Variants in NEMF observed in about 807,000 individuals in gnomAD.
The protein encoded by NEMF is ribosome quality control complex subunit NEMF.
A neutral mutation model predicts 162.2 loss-of-function variants in NEMF; 89 were observed. That is an observed-to-expected ratio of 0.55 (90% CI 0.46 to 0.65). The LOEUF is 0.65. Ranked by LOEUF, NEMF falls within the 30% of genes least tolerant of loss-of-function variation. The probability of loss-of-function intolerance (pLI) is 0.00; values close to 1 mark genes in which losing one functional copy is unlikely to be tolerated. For synonymous variants in NEMF, 421 were observed against 404.5 expected, an observed-to-expected ratio of 1.04 and a Z score of -0.49; for missense variants, 1,133 against 1,261.9, an observed-to-expected ratio of 0.90 and a Z score of 1.55.
chr14:49,840,715 T>C lies in NEMF; in HGVS notation c.506+3A>G. The C allele has an allele frequency of 2.5e-6, 4 of 1,610,078 alleles. No homozygotes were observed. Among genetic ancestry groups the C allele is most frequent in the South Asian group, 1.1e-5 (1 of 90,238 alleles). On this transcript the variant is annotated splice_donor_region_variant and intron_variant, in intron 5 of 32. Coordinates refer to ENST00000298310, the MANE Select transcript of NEMF (RefSeq NM_004713.6). ...AAATGGGTTTAAAAACAAAACACTT[T>C]ACCTTTCCAAAGTAAGCAAAGGTTC...
At chr14:49,848,031 CAA>C (rs76205967) in intron 3 of NEMF, among the ~76,000 whole-genome samples, 34 of 79,366 alleles carry the variant, frequency 4.3e-4, no homozygotes, top group Admixed American at 5.8e-4. Flanking sequence ...GACTCTGTCT[CAA>C]AAAAAAAAAA....
intron 4 of NEMF, among the ~76,000 whole-genome samples, chr14:49,842,941 G>C (rs1003912928): frequency 1.3e-5 from 2 of 150,990 alleles, no homozygotes; most frequent in African/African-American, 4.9e-5. Context: ...GGGAGGCGGA[G>C]GTTGCAGTGA....
Position 49,832,037 on chromosome 14 carries a change from A to G in NEMF, c.882+14T>C, listed in dbSNP as rs1892663923. ...TGCTAACTAACTGGTAAAGGAACAG[A>G]ACGGAAAACCCACCTTGTCAAATGA... is the stretch of plus-strand genomic sequence containing the variant. On this transcript the variant is annotated intron_variant, in intron 10 of 32. Coordinates refer to ENST00000298310, the MANE Select transcript of NEMF (RefSeq NM_004713.6). 1 of 1,577,006 alleles carries G rather than the reference A, an allele frequency of 6.3e-7. No individual in the cohort carries two copies. The highest frequency in any genetic ancestry group is 8.6e-7 in the Non-Finnish European group (1 of 1,161,288).
intron 19 of NEMF, among the ~76,000 whole-genome samples, chr14:49,803,534 T>C (rs1226927763): frequency 6.6e-6 from 1 of 152,000 alleles, no homozygotes; most frequent in African/African-American, 2.4e-5. Context: ...CTTTCTTTTT[T>C]TTTTTTTTTG....
chr14:49,828,709 T>G lies in NEMF; in HGVS notation c.1331A>C (p.Lys444Thr), dbSNP rs1367820032. The G allele has an allele frequency of 6.2e-7, 1 of 1,606,412 alleles. No individual in the cohort carries two copies. The highest frequency in any genetic ancestry group is 8.5e-7 in the Non-Finnish European group (1 of 1,177,732). The change falls in exon 14 of 33, where the codon AAA (lysine) becomes ACA (threonine). Residue 444 changes from lysine to threonine, a missense_variant. By Grantham distance (78) the Lys-to-Thr change is moderately conservative. Coordinates refer to ENST00000298310, the MANE Select transcript of NEMF (RefSeq NM_004713.6). ...CTTCTGCAGCTGTTTATTCTTTTGTTTTTTCTTTTTTCCTTTTGGTGGTTC... is the reference window on the plus strand; with the variant it reads ...CTTCTGCAGCTGTTTATTCTTTTGTGTTTTCTTTTTTCCTTTTGGTGGTTC... Reference protein sequence around the residue: ...ETEPPKGKKKKQKNKQLQKPQ... With the variant: ...ETEPPKGKKKTQKNKQLQKPQ...
In NEMF at chr14:49,814,010, G is replaced by T; in HGVS notation, c.1722C>A (p.Ser574Arg). The change falls in exon 18 of 33, where the codon AGC (serine) becomes AGA (arginine). Residue 574 changes from serine (S) to arginine (R), a missense_variant. By Grantham distance (110) the Ser-to-Arg change is moderately radical. Coordinates refer to ENST00000298310, the MANE Select transcript of NEMF (RefSeq NM_004713.6). ...YVHADLHGAT[S>R]CVIKNPTGEP... ...TACCTGTTGGATTCTTAATTACACA[G>T]CTAGTAGCTCCATGAAGATCAGCAT... The T allele has an allele frequency of 6.5e-7, 1 of 1,544,238 alleles. No individual in the cohort carries two copies. The highest frequency in any genetic ancestry group is 9.0e-7 in the Non-Finnish European group (1 of 1,116,452).
At chr14:49,818,219 C>T in intron 16 of NEMF, 1 of 152,230 alleles carries the variant, frequency 6.6e-6, no homozygotes, top group Non-Finnish European at 1.5e-5. Context: ...TCCCGAGTAG[C>T]TGGGACTACA....
In NEMF at chr14:49,837,557, T is replaced by A. The variant is rs147869764; in HGVS notation, c.574+582A>T. Among the ~76,000 whole-genome samples the A allele has an allele frequency of 3.7e-4, 56 of 152,152 alleles. No individual in the cohort carries two copies. The South Asian group carries it at 6.0e-3, about 16-fold the overall frequency. On this transcript the variant is annotated intron_variant, in intron 6 of 32. Transcript: ENST00000298310. ...TGCCAGGGAGACACTGGCTTAAACA[T>A]ACAAATTTTACACATGCTATACTAA...
At chr14:49,790,995 A>G (rs1014525285) in intron 26 of NEMF, among the ~76,000 whole-genome samples, 34 of 152,148 alleles carry the variant, frequency 2.2e-4, no homozygotes, top group African/African-American at 6.3e-4. Flanking sequence ...CTCTGTCTCA[A>G]AAAACAAAAA....
rs767534791 is a variant in NEMF, at chr14:49,828,706, T to C, written c.1334A>G (p.Gln445Arg). 11 of 1,607,344 alleles carry C rather than the reference T, an allele frequency of 6.8e-6. No individual in the cohort carries two copies. The highest frequency in any genetic ancestry group is 2.2e-5 in the East Asian group (1 of 44,644). Residue 445 changes from glutamine (Q) to arginine (R), a missense_variant, in exon 14 of 33, where the codon CAA (glutamine) becomes CGA (arginine). Coordinates refer to ENST00000298310, the MANE Select transcript of NEMF (RefSeq NM_004713.6). ...AGGCTTCTGCAGCTGTTTATTCTTTTGTTTTTTCTTTTTTCCTTTTGGTGG... is the reference window on the plus strand; with the variant it reads ...AGGCTTCTGCAGCTGTTTATTCTTTCGTTTTTTCTTTTTTCCTTTTGGTGG... ...TEPPKGKKKK[Q>R]KNKQLQKPQK...
Position 49,825,988 on chromosome 14 carries a change from GT to G in NEMF, c.1489-34del, listed in dbSNP as rs1174648549. 3 of 1,436,724 alleles carry G rather than the reference GT, an allele frequency of 2.1e-6. No homozygotes were observed. The African/African-American group carries it at 4.3e-5, about 20-fold the overall frequency. 89.0% of individuals were successfully genotyped at this position (1,436,724 alleles called of 1,614,324 possible). On this transcript the variant is annotated intron_variant, in intron 15 of 32. Transcript: ENST00000298310. ...TAGAAAAGAGTTTTAAAAACAATTT[GT>G]TAAGAATGTATTTAAATAACACCAA...
intron 31 of NEMF, 34 bp downstream of exon 31, chr14:49,785,058 T>C (rs759008949): frequency 1.2e-6 from 2 of 1,606,592 alleles, no homozygotes; most frequent in Non-Finnish European, 1.7e-6. Flanking sequence ...CTGAACTGTT[T>C]AAAATCATAA....
At position 49,783,694 on chromosome 14, in the gene NEMF, A is replaced by G. The variant is rs141933984; in HGVS notation, c.*942T>C. On this transcript the variant is annotated 3_prime_UTR_variant, in exon 33 of 33. Coordinates refer to ENST00000298310, the MANE Select transcript of NEMF (RefSeq NM_004713.6). ...ATAGGTTAAGATACTCTAACGTGCTATATTGGTAATTAATTACTAAAGGTG... is the reference window on the plus strand; with the variant it reads ...ATAGGTTAAGATACTCTAACGTGCTGTATTGGTAATTAATTACTAAAGGTG... 31 of 152,280 alleles carry G rather than the reference A, an allele frequency of 2.0e-4. No homozygotes were observed. Among genetic ancestry groups the G allele is most frequent in the African/African-American group, 7.5e-4 (31 of 41,564 alleles). The allele number at this position is 152,280 out of a possible 1,614,324, so 9.4% of individuals were successfully genotyped here.
chr14:49,790,487 A>G (rs1890387886), intron 26 of NEMF, among the ~76,000 whole-genome samples: 1 of 152,172 alleles, frequency 6.6e-6, no homozygotes. Context: ...GCATATACAC[A>G]CTTAAATGAC....
Position 49,833,478 on chromosome 14 carries a change from A to G in NEMF, c.680T>C (p.Val227Ala), listed in dbSNP as rs1892744976. ...ATAGTCTTCTGCTTTCTGCAGAGAA[A>G]CAAGTACTTTTTCAATATCTAATGG... ...LETKDIEKVL[V>A]SLQKAEDYMK... The change falls in exon 8 of 33, where the codon GTT becomes GCT. Residue 227 changes from valine (V) to alanine (A), a missense_variant. Around this residue, in one of 3 missense-constraint regions of NEMF, gnomAD observed 582 missense variants for 631.5 expected, o/e 0.92. Transcript: ENST00000298310. 2 of 1,583,792 alleles carry G rather than the reference A, an allele frequency of 1.3e-6. No homozygotes were observed. Among genetic ancestry groups the G allele is most frequent in the African/African-American group, 2.7e-5 (2 of 74,528 alleles).
chr14:49,846,505 A>T (rs1238983180), intron 3 of NEMF, among the ~76,000 whole-genome samples: 1 of 152,178 alleles, frequency 6.6e-6, no homozygotes, highest in Non-Finnish European at 1.5e-5. Flanking sequence ...TCACTCTGTC[A>T]CCCAAACTGG....
rs1453554261 is a variant in NEMF, at chr14:49,782,394, C to A, written c.*2242G>T. The A allele has an allele frequency of 6.2e-7, 1 of 1,612,270 alleles. No individual in the cohort carries two copies. Among genetic ancestry groups the A allele is most frequent in the Non-Finnish European group, 8.5e-7 (1 of 1,178,686 alleles). On this transcript the variant is annotated 3_prime_UTR_variant, in exon 33 of 33. Transcript: ENST00000298310. ...GGTTATGGCACACAGCTTGTGCCAG[C>A]GATGAAGGAGAAGTAATTGTTTTTG...
chr14:49,843,305 G>A (rs920930268), intron 4 of NEMF, among the ~76,000 whole-genome samples: 1 of 152,006 alleles, frequency 6.6e-6, no homozygotes, highest in African/African-American at 2.4e-5. Context: ...GTCAGCCTGG[G>A]CAACGAAGTG....
At chr14:49,812,528 G>C (rs1891525468) in intron 18 of NEMF, among the ~76,000 whole-genome samples, 1 of 151,876 alleles carries the variant, frequency 6.6e-6, no homozygotes, top group East Asian at 1.9e-4. Context: ...TTAAATATAG[G>C]CATTTATAGC....
Sources: gnomAD v4.1 joint callset for allele counts (sites outside exome capture counted in the v4.1 genomes callset) on GRCh38, gnomAD v4.1.1 for gene constraint, gnomAD v4.1.1 regional missense constraint, MANE v1.5 for transcripts, NCBI Gene and HGNC (gene_info 2026-07-23, HGNC 2026-07-21) for gene names.